The following PCDHGA8 variants were observed in gnomAD, a reference collection of about 807,000 sequenced individuals.
The protein encoded by PCDHGA8 is protocadherin gamma-A8.
Under a neutral mutation model 59.2 loss-of-function variants are expected in PCDHGA8, and 45 were observed. That is an observed-to-expected ratio of 0.76 (90% CI 0.60 to 0.98). The LOEUF (loss-of-function observed/expected upper bound fraction) is 0.98. PCDHGA8 is among the 50% of genes least tolerant of loss of function. The probability of loss-of-function intolerance (pLI) is 0.00; values close to 1 mark genes in which losing one functional copy is unlikely to be tolerated. For missense variants in PCDHGA8, 1,257 were observed against 1,196.2 expected, an observed-to-expected ratio of 1.05 and a Z score of -0.75; for synonymous variants, 531 against 519.0, an observed-to-expected ratio of 1.02 and a Z score of -0.32.
intron 2 of PCDHGA8, among the ~76,000 whole-genome samples, chr5:141,502,654 C>G (rs1424933188): frequency 6.6e-6 from 1 of 152,112 alleles, no homozygotes; most frequent in African/African-American, 2.4e-5. Context: ...TAGGCAGCAA[C>G]CCTTCATGCA....
chr5:141,447,558 G>T (rs551305232), intron 1 of PCDHGA8, among the ~76,000 whole-genome samples: 1 of 152,264 alleles, frequency 6.6e-6, no homozygotes, highest in African/African-American at 2.4e-5. Context: ...GAGTACACTT[G>T]GAGGATTCTA....
chr5:141,450,991 A>AT (rs1351194705), intron 1 of PCDHGA8, among the ~76,000 whole-genome samples: 1 of 150,700 alleles, frequency 6.6e-6, no homozygotes. Context: ...CACCCGGCTA[A>AT]TTTTTTTGTA....
At chr5:141,404,041 A>G in intron 1 of PCDHGA8, 1 of 1,613,936 alleles carries the variant, frequency 6.2e-7, no homozygotes, top group Non-Finnish European at 8.5e-7. Context: ...CACCTCAGGG[A>G]ACAGTAATTC....
chr5:141,432,934 G>A lies in PCDHGA8; in HGVS notation c.2424+37697G>A. The stretch of plus-strand genomic sequence containing the variant: ...GGCGCTGGCACAAGTCACGCCTGCT[G>A]CAGGCTTCAGGAGGCGGCTTGACAG... On this transcript the variant is annotated intron_variant, in intron 1 of 3. Transcript: ENST00000398604. This position sits in a 1 kb window ranked among gnomAD's most constrained non-coding sequence, Gnocchi z 6.0. 1.9e-6 allele frequency: 3 copies of A among 1,614,196 alleles called. No individual in the cohort carries two copies. Among genetic ancestry groups the A allele is most frequent in the Non-Finnish European group, 2.5e-6 (3 of 1,180,040 alleles).
In PCDHGA8 at chr5:141,489,574, C is replaced by T. The variant is rs963768096; in HGVS notation, c.2425-5233C>T. The T allele has an allele frequency of 2.5e-6, 4 of 1,613,978 alleles. No homozygotes were observed. The highest frequency in any genetic ancestry group is 3.4e-6 in the Non-Finnish European group (4 of 1,180,014). ...GCTGCCAGTGCAGGTGGTGACTGAA[C>T]ACCCCCTGGAGCTAATCCGTGTAGA... On this transcript the variant is annotated intron_variant, in intron 1 of 3. Coordinates refer to ENST00000398604, the MANE Select transcript of PCDHGA8 (RefSeq NM_032088.2). This position sits in a 1 kb window ranked among gnomAD's most constrained non-coding sequence, Gnocchi z 4.5.
rs1479003983 is a variant in PCDHGA8, at chr5:141,485,352, C to T, written c.2425-9455C>T. On this transcript the variant is annotated intron_variant, in intron 1 of 3. Coordinates refer to ENST00000398604, the MANE Select transcript of PCDHGA8 (RefSeq NM_032088.2). This position sits in a 1 kb window ranked among gnomAD's most constrained non-coding sequence, Gnocchi z 5.7. ...TTCCTGCTGGATACGGACAGTCTGT[C>T]AGCTCGCAGGCTGCAGGTCGCTGGA... 1 of 1,614,136 alleles carries T rather than the reference C, an allele frequency of 6.2e-7. No homozygotes were observed. The highest frequency in any genetic ancestry group is 8.5e-7 in the Non-Finnish European group (1 of 1,180,012).
intron 1 of PCDHGA8, chr5:141,413,618 A>C (rs1188549125): frequency 6.2e-7 from 1 of 1,613,916 alleles, no homozygotes; most frequent in Admixed American, 1.7e-5. Context: ...AAAATTAATG[A>C]AAATGTCGCT....
At chr5:141,453,482 A>T (rs979979155) in intron 1 of PCDHGA8, among the ~76,000 whole-genome samples, 1 of 151,990 alleles carries the variant, frequency 6.6e-6, no homozygotes, top group Non-Finnish European at 1.5e-5. Context: ...CAAAACTATT[A>T]AAAAAAGGTG....
At chr5:141,417,994 G>T (rs369226139) in intron 1 of PCDHGA8, 231 of 1,613,766 alleles carry the variant, frequency 1.4e-4, no homozygotes, top group Non-Finnish European at 1.8e-4. Flanking sequence ...CCAAGGGCTC[G>T]GTGGTGGGGA....
At position 141,431,335 on chromosome 5, in the gene PCDHGA8, C is replaced by A. The variant is rs747132346; in HGVS notation, c.2424+36098C>A. On this transcript the variant is annotated intron_variant, in intron 1 of 3. Transcript: ENST00000398604. This position sits in a 1 kb window ranked among gnomAD's most constrained non-coding sequence, Gnocchi z 4.8. ...ATGGAGCCGACGGTAGTAAGTACCCCGAATTGGTGCTGAAACGCGCCCTGG... is the reference window on the plus strand; with the variant it reads ...ATGGAGCCGACGGTAGTAAGTACCCAGAATTGGTGCTGAAACGCGCCCTGG... 11 of 1,613,944 alleles carry A rather than the reference C, an allele frequency of 6.8e-6. No homozygotes were observed. The Admixed American group carries it at 1.5e-4, about 22-fold the overall frequency.
At chr5:141,502,216 A>G (rs957759583) in intron 2 of PCDHGA8, among the ~76,000 whole-genome samples, 3 of 152,334 alleles carry the variant, frequency 2.0e-5, no homozygotes, top group Admixed American at 6.5e-5. Context: ...GCAGATTTTC[A>G]TAAATGTTCT....
intron 2 of PCDHGA8, among the ~76,000 whole-genome samples, chr5:141,498,828 G>C (rs2099786098): frequency 6.6e-6 from 1 of 152,092 alleles, no homozygotes; most frequent in Non-Finnish European, 1.5e-5. Flanking sequence ...AGCTACTCAG[G>C]AGGCTGAGGC....
At chr5:141,419,674 C>T (rs372932653) in intron 1 of PCDHGA8, 48 of 1,612,820 alleles carry the variant, frequency 3.0e-5, no homozygotes, top group Non-Finnish European at 3.7e-5. Context: ...CCTGGCTGTC[C>T]TACCACGTGG....
intron 1 of PCDHGA8, chr5:141,410,094 C>A: frequency 6.2e-7 from 1 of 1,612,646 alleles, no homozygotes; most frequent in South Asian, 1.1e-5. Context: ...ACGGCTCGAG[C>A]CTTAGGCGAC....
chr5:141,476,868 C>T lies in PCDHGA8; in HGVS notation c.2425-17939C>T, dbSNP rs1213404395. On this transcript the variant is annotated intron_variant, in intron 1 of 3. Coordinates refer to ENST00000398604, the MANE Select transcript of PCDHGA8 (RefSeq NM_032088.2). This position sits in a 1 kb window ranked among gnomAD's most constrained non-coding sequence, Gnocchi z 7.6. ...GTCTTCAACCAGTCCTTGTACCGGG[C>T]GCGCGTCCTGGAGGATGCACCCTCC... 3 of 1,613,874 alleles carry T rather than the reference C, an allele frequency of 1.9e-6. No individual in the cohort carries two copies. Among genetic ancestry groups the T allele is most frequent in the Admixed American group, 3.3e-5 (2 of 60,026 alleles).
chr5:141,394,886 C>CT lies in PCDHGA8; in HGVS notation c.2074dup (p.Tyr692LeufsTer53). 3 of 1,613,890 alleles carry CT rather than the reference C, an allele frequency of 1.9e-6. No individual in the cohort carries two copies. The highest frequency in any genetic ancestry group is 2.5e-6 in the Non-Finnish European group (3 of 1,179,894). ...ACCCGAACGATTCGAGCCTTACACT[C>CT]TATCTCGTGGTGGCAGTGGCTGCCA... On this transcript the variant is annotated frameshift_variant, in exon 1 of 4. Coordinates refer to ENST00000398604, the MANE Select transcript of PCDHGA8 (RefSeq NM_032088.2). LOFTEE classifies it high-confidence loss of function.
Position 141,485,281 on chromosome 5 carries a change from A to G in PCDHGA8, c.2425-9526A>G. 4 of 1,614,156 alleles carry G rather than the reference A, an allele frequency of 2.5e-6. No individual in the cohort carries two copies. In the South Asian group the frequency reaches 3.3e-5, roughly 13 times the overall value. Reference sequence around the variant, plus strand: ...GTGGGCAGATCCGCTACCCGGTCCCAGAGGAGTCACAGGAAGGGACTTTTG... The same window carrying G: ...GTGGGCAGATCCGCTACCCGGTCCCGGAGGAGTCACAGGAAGGGACTTTTG... On this transcript the variant is annotated intron_variant, in intron 1 of 3. Coordinates refer to ENST00000398604, the MANE Select transcript of PCDHGA8 (RefSeq NM_032088.2). The surrounding 1 kb of genome is among the most constrained non-coding windows in gnomAD (Gnocchi z 5.7).
chr5:141,477,878 C>T lies in PCDHGA8; in HGVS notation c.2425-16929C>T. On this transcript the variant is annotated intron_variant, in intron 1 of 3. Coordinates refer to ENST00000398604, the MANE Select transcript of PCDHGA8 (RefSeq NM_032088.2). The surrounding 1 kb of genome is among the most constrained non-coding windows in gnomAD (Gnocchi z 4.9). ...GCTGCCTCGAGGTACCTCAGCTGGC[C>T]ACCTAGTGTCACGGGTGGTAGGCTG... 2.5e-6 allele frequency: 4 copies of T among 1,614,158 alleles called. No individual in the cohort carries two copies. Among genetic ancestry groups the T allele is most frequent in the Non-Finnish European group, 3.4e-6 (4 of 1,180,008 alleles).
At chr5:141,510,695 C>T (rs1023505006) in intron 3 of PCDHGA8, among the ~76,000 whole-genome samples, 1 of 152,166 alleles carries the variant, frequency 6.6e-6, no homozygotes, top group Non-Finnish European at 1.5e-5. Context: ...GTTAGGTAGA[C>T]TTGCCCAGGA....
Sources: allele counts gnomAD v4.1 joint callset (sites outside exome capture counted in the v4.1 genomes callset), GRCh38; gene constraint gnomAD v4.1.1; non-coding constraint Gnocchi (gnomAD v3.1); transcripts MANE v1.5; gene names NCBI Gene and HGNC (gene_info 2026-07-23, HGNC 2026-07-21).